Variants in ABCC1 observed in about 807,000 individuals in gnomAD.
ABCC1 encodes multidrug resistance-associated protein 1.
Under a neutral mutation model 172.9 loss-of-function variants are expected in ABCC1, and 83 were observed. That is an observed-to-expected ratio of 0.48 (90% confidence interval 0.40 to 0.58). The LOEUF is 0.58. Among genes scored for constraint, ABCC1 ranks in the 20% least tolerant of loss-of-function variants. The pLI, the probability that ABCC1 is intolerant of heterozygous loss-of-function variation, is 0.00. For synonymous variants in ABCC1, 937 were observed against 825.2 expected, an observed-to-expected ratio of 1.14 and a Z score of -2.32; for missense variants, 1,817 against 2,002.7, an observed-to-expected ratio of 0.91 and a Z score of 1.77.
intron 1 of ABCC1, among the ~76,000 whole-genome samples, chr16:15,997,156 A>G (rs1363024202): frequency 3.3e-5 from 5 of 150,994 alleles, no homozygotes; most frequent in African/African-American, 4.9e-5. Context: ...CAGTGGTGCA[A>G]TCTCGGCTCA....
chr16:15,966,273 G>A (rs1279309391), intron 1 of ABCC1, among the ~76,000 whole-genome samples: 3 of 151,716 alleles, frequency 2.0e-5, no homozygotes, highest in South Asian at 2.1e-4. Flanking sequence ...ATTAGCTGGC[G>A]TGGTGGCAGG....
At chr16:16,069,773 C>G (rs1596457472) in intron 13 of ABCC1, among the ~76,000 whole-genome samples, 1 of 152,148 alleles carries the variant, frequency 6.6e-6, no homozygotes, top group African/African-American at 2.4e-5. Context: ...CCTGCAATCC[C>G]AGCATTTTGG....
intron 19 of ABCC1, among the ~76,000 whole-genome samples, chr16:16,094,934 C>T (rs910395386): frequency 2.0e-5 from 3 of 151,298 alleles, no homozygotes; most frequent in Non-Finnish European, 4.4e-5. Context: ...TCTTGTGCCT[C>T]AGCCTCTCGA....
intron 10 of ABCC1, among the ~76,000 whole-genome samples, chr16:16,051,811 G>T (rs556811767): frequency 1.8e-4 from 27 of 152,294 alleles, no homozygotes; most frequent in Non-Finnish European, 2.6e-4. Flanking sequence ...ACCCAATTCT[G>T]TTAATGGTGG....
At chr16:15,981,883 T>G (rs573428903) in intron 1 of ABCC1, among the ~76,000 whole-genome samples, 2 of 148,688 alleles carry the variant, frequency 1.3e-5, no homozygotes, top group African/African-American at 5.2e-5. Flanking sequence ...ACTTTGTTGC[T>G]TAGAAATTTC....
rs549670918 is a variant in ABCC1, at chr16:16,121,874, G to A, written c.3391-101G>A. The A allele has an allele frequency of 4.8e-4, 621 of 1,303,956 alleles. 1 individual carries two copies. Among genetic ancestry groups the A allele is most frequent in the Non-Finnish European group, 6.3e-4 (586 of 930,216 alleles). The allele number at this position is 1,303,956 out of a possible 1,614,324, so 80.8% of individuals were successfully genotyped here. A position where few individuals can be genotyped will look rare whatever the true frequency, so the allele number is the denominator to read the frequency against. Reference sequence around the variant, plus strand: ...CCCGGCTCTAACATTTTGCCTCCTGGAGGTATCGGTTACGTCTAGATGTTC... The same window carrying A: ...CCCGGCTCTAACATTTTGCCTCCTGAAGGTATCGGTTACGTCTAGATGTTC... On this transcript the variant is annotated intron_variant, in intron 23 of 30. Coordinates refer to ENST00000399410, the MANE Select transcript of ABCC1 (RefSeq NM_004996.4).
intron 24 of ABCC1, 94 bp downstream of exon 24, chr16:16,122,268 A>G (rs746652067): frequency 1.6e-4 from 227 of 1,395,608 alleles, no homozygotes; most frequent in Non-Finnish European, 2.1e-4. Flanking sequence ...TGAGCTGGGT[A>G]TAAAGCCAAA....
chr16:16,121,938 A>C, intron 23 of ABCC1, 37 bp from the exon 24 acceptor site: 148 of 1,588,056 alleles, frequency 9.3e-5, no homozygotes, highest in Middle Eastern at 1.7e-4. Flanking sequence ...GCAGGAGGGA[A>C]CCTTCATCAA....
At chr16:16,129,626 C>T (rs988987502) in intron 26 of ABCC1, among the ~76,000 whole-genome samples, 5 of 151,686 alleles carry the variant, frequency 3.3e-5, no homozygotes, top group African/African-American at 1.2e-4. Flanking sequence ...CAACCTCTGC[C>T]TCCCAGATTC....
chr16:15,996,160 C>T (rs2151655050), intron 1 of ABCC1, among the ~76,000 whole-genome samples: 1 of 151,634 alleles, frequency 6.6e-6, no homozygotes, highest in Non-Finnish European at 1.5e-5. Context: ...AATTTTTGTA[C>T]ATTTAGTAGA....
intron 28 of ABCC1, among the ~76,000 whole-genome samples, chr16:16,135,019 A>G (rs780744981): frequency 2.0e-5 from 3 of 152,152 alleles, no homozygotes; most frequent in Admixed American, 6.6e-5. Context: ...CAACGTGGGA[A>G]TTAACTGACT....
intron 1 of ABCC1, among the ~76,000 whole-genome samples, chr16:15,981,302 G>C (rs1168432175): frequency 6.6e-6 from 1 of 152,216 alleles, no homozygotes; most frequent in South Asian, 2.1e-4. Flanking sequence ...AATGGGGACT[G>C]TATGGGGCCT....
Position 16,105,178 on chromosome 16 carries a change from G to A in ABCC1, c.2736-1560G>A, listed in dbSNP as rs544875698. On this transcript the variant is annotated intron_variant, in intron 20 of 30. Transcript: ENST00000399410. The stretch of plus-strand genomic sequence containing the variant: ...CGAGGGCTGCGAGGGCTGCCAGCAC[G>A]CTGTCACTTCTCAATCTTACACAGC... Among the ~76,000 whole-genome samples the A allele has an allele frequency of 6.4e-4, 98 of 152,370 alleles. 1 individual carries two copies. In the South Asian group the frequency reaches 0.011, roughly 17 times the overall value.
chr16:15,970,115 A>G (rs2046333698), intron 1 of ABCC1, among the ~76,000 whole-genome samples: 1 of 152,150 alleles, frequency 6.6e-6, no homozygotes, highest in Admixed American at 6.5e-5. Context: ...ATGTGTGTCA[A>G]AGACCCCAAA....
rs913994120 is a variant in ABCC1, at chr16:16,138,500, G to A, written c.4429G>A (p.Glu1477Lys). Residue 1477 changes from glutamate (E) to lysine (K), a missense_variant, in exon 30 of 31, where the codon GAG (glutamate) becomes AAG (lysine). Glu to Lys is a moderately conservative substitution (Grantham distance 56). Around this residue, in one of 3 missense-constraint regions of ABCC1, gnomAD observed 1,412 missense variants for 1,600.3 expected, o/e 0.88. Transcript: ENST00000399410. ...LIQSTIRTQF[E>K]DCTVLTIAHR... ...CCAGTCCACCATCCGGACACAGTTCGAGGACTGCACCGTCCTCACCATCGC... is the reference window on the plus strand; with the variant it reads ...CCAGTCCACCATCCGGACACAGTTCAAGGACTGCACCGTCCTCACCATCGC... 7.4e-6 allele frequency: 12 copies of A among 1,612,658 alleles called. No individual in the cohort carries two copies. Among genetic ancestry groups the A allele is most frequent in the East Asian group, 2.2e-5 (1 of 44,840 alleles).
intron 1 of ABCC1, among the ~76,000 whole-genome samples, chr16:15,954,054 C>G (rs1167349141): frequency 7.1e-6 from 1 of 140,164 alleles, no homozygotes; most frequent in Admixed American, 7.6e-5. Context: ...GTCGCCCAGG[C>G]TAGGGTGCAG....
chr16:16,008,870 CGAT>C (rs1044207925), intron 2 of ABCC1, among the ~76,000 whole-genome samples: 2 of 143,410 alleles, frequency 1.4e-5, no homozygotes, highest in African/African-American at 5.2e-5. Flanking sequence ...AAAAAAGTTG[CGAT>C]GATACCAGGA....
intron 1 of ABCC1, among the ~76,000 whole-genome samples, chr16:15,975,209 G>A (rs923102696): frequency 6.6e-6 from 1 of 152,190 alleles, no homozygotes; most frequent in Admixed American, 6.5e-5. Flanking sequence ...CATGGCTAGT[G>A]CTACCTGCTA....
At chr16:16,023,060 C>T (rs1303940476) in intron 5 of ABCC1, among the ~76,000 whole-genome samples, 3 of 152,106 alleles carry the variant, frequency 2.0e-5, no homozygotes, top group Non-Finnish European at 4.4e-5. Context: ...CCTACAGGTG[C>T]ACACTACTGT....
Sources: allele counts gnomAD v4.1 joint callset (sites outside exome capture counted in the v4.1 genomes callset), GRCh38; gene constraint gnomAD v4.1.1; regional missense constraint gnomAD v4.1.1; transcripts MANE v1.5; gene names NCBI Gene and HGNC (gene_info 2026-07-23, HGNC 2026-07-21).